OR2T35: variants seen among roughly 807,000 people sequenced by gnomAD.
OR2T35 encodes the protein olfactory receptor 2T35.
For synonymous variants in OR2T35, 18 were observed against 110.2 expected, an observed-to-expected ratio of 0.16 and a Z score of 5.24; for missense variants, 47 against 278.8, an observed-to-expected ratio of 0.17 and a Z score of 5.92.
At chr1:248,642,216 C>CAAAAAAAAAAAAAAAAAAA (rs61189391) in intron 1 of OR2T35, among the ~76,000 whole-genome samples, 3 of 53,658 alleles carry the variant, frequency 5.6e-5, no homozygotes, top group Admixed American at 2.2e-4. Flanking sequence ...CTAGTCTTTC[C>CAAAAAAAAAAAAAAAAAAA]AAAAAAAAAA....
rs1390248288 is a variant in OR2T35 at position 248,638,509 on chromosome 1, A to AAC, written c.748_749dup (p.Tyr252SerfsTer42). ...TGGTGTAGAAGGCTGCCCCGTAGAA[A>AAC]ACGCTCACCACCATAATGTGGGAGG... On this transcript the variant is annotated frameshift_variant, in exon 2 of 2. Transcript: ENST00000641268. LOFTEE classifies it low-confidence loss of function (END_TRUNC). 4 of 1,418,686 alleles carry AAC rather than the reference A, an allele frequency of 2.8e-6. No homozygotes were observed. The highest frequency in any genetic ancestry group is 3.9e-6 in the Non-Finnish European group (4 of 1,021,362). 87.9% of individuals were successfully genotyped at this position (1,418,686 alleles called of 1,614,324 possible).
At position 248,639,740 on chromosome 1, in the gene OR2T35, A is replaced by G. The variant is rs1387336575; in HGVS notation, c.-22-460T>C. ...GTACTAGAGTCATCCACAGACGTCT[A>G]TTTGTGACTTAAATTGATAGAAAAC... On this transcript the variant is annotated intron_variant, in intron 1 of 1. Coordinates refer to ENST00000641268, the MANE Select transcript of OR2T35 (RefSeq NM_001001827.2). 7.5e-5 allele frequency among the ~76,000 whole-genome samples: 3 copies of G among 40,142 alleles called. No homozygotes were observed. In the Admixed American group the frequency reaches 7.6e-4, roughly 10 times the overall value. 26.3% of individuals were successfully genotyped at this position (40,142 alleles called of 152,430 possible).
chr1:248,639,103 C>CA lies in OR2T35; in HGVS notation c.155dup (p.Met52IlefsTer70). ...ACATGGGTGTGTGGAGGCGGGAGTC[C>CA]ATGTGGATGAGCAGAATCATGACCA... is the stretch of plus-strand genomic sequence containing the variant. On this transcript the variant is annotated frameshift_variant, in exon 2 of 2. Transcript: ENST00000641268. LOFTEE classifies it low-confidence loss of function (END_TRUNC). 1 of 494,584 alleles carries CA rather than the reference C, an allele frequency of 2.0e-6. No homozygotes were observed. Among genetic ancestry groups the CA allele is most frequent in the Non-Finnish European group, 3.5e-6 (1 of 283,102 alleles). The allele number at this position is 494,584 out of a possible 1,614,324, so 30.6% of individuals were successfully genotyped here.
chr1:248,644,468 T>G (rs940850656), intron 1 of OR2T35, among the ~76,000 whole-genome samples: 5 of 124,116 alleles, frequency 4.0e-5, no homozygotes, highest in Non-Finnish European at 8.2e-5. Flanking sequence ...ACAATGTAAA[T>G]AATGTCAAAA....
chr1:248,642,246 AAG>A (rs1401094111), intron 1 of OR2T35, among the ~76,000 whole-genome samples: 30 of 106,910 alleles, frequency 2.8e-4, no homozygotes, highest in African/African-American at 7.6e-4. Flanking sequence ...GAAAAAGAAA[AAG>A]AAAAAGCTTT....
At chr1:248,642,193 T>TCC (rs569367170) in intron 1 of OR2T35, among the ~76,000 whole-genome samples, 9,726 of 67,854 alleles carry the variant, frequency 0.14, 382 homozygotes, top group Non-Finnish European at 0.17. Context: ...ACACTTAGGT[T>TCC]CCCCTTCATC....
At chr1:248,642,276 C>T (rs1274557978) in intron 1 of OR2T35, among the ~76,000 whole-genome samples, 39 of 138,352 alleles carry the variant, frequency 2.8e-4, no homozygotes, top group African/African-American at 8.6e-4. Context: ...GTGATCAAAG[C>T]TTCAGGCTCT....
intron 1 of OR2T35, among the ~76,000 whole-genome samples, chr1:248,642,832 ATCT>A (rs1660805269): frequency 3.0e-5 from 1 of 33,328 alleles, no homozygotes; most frequent in Non-Finnish European, 6.9e-5. Flanking sequence ...ACCAGAACTG[ATCT>A]TCTCCACTTG....
chr1:248,642,265 C>T (rs1279362404), intron 1 of OR2T35, among the ~76,000 whole-genome samples: 415 of 129,676 alleles, frequency 3.2e-3, no homozygotes, highest in Middle Eastern at 0.014. Flanking sequence ...CTTTTATTTG[C>T]GTGATCAAAG....
chr1:248,644,169 C>T (rs1660825311), intron 1 of OR2T35, among the ~76,000 whole-genome samples: 1 of 120,770 alleles, frequency 8.3e-6, no homozygotes, highest in South Asian at 2.8e-4. Context: ...TGGTAGATAG[C>T]AACCTGGCGG....
intron 1 of OR2T35, among the ~76,000 whole-genome samples, chr1:248,642,068 G>A (rs1411580397): frequency 1.2e-5 from 1 of 80,462 alleles, no homozygotes; most frequent in Non-Finnish European, 3.8e-5. Flanking sequence ...TAACATTAGA[G>A]TTGATGCTAT....
chr1:248,643,908 C>CT (rs201703083), intron 1 of OR2T35, among the ~76,000 whole-genome samples: 11,378 of 57,338 alleles, frequency 0.2, 1,259 homozygotes, highest in Non-Finnish European at 0.27. Flanking sequence ...ACCTTACAGC[C>CT]TCTCTTTGGC....
intron 1 of OR2T35, among the ~76,000 whole-genome samples, chr1:248,639,792 CTGT>C (rs1302871857): frequency 6.9e-5 from 1 of 14,488 alleles, no homozygotes; most frequent in African/African-American, 1.7e-4. Context: ...TTTTTGGCTG[CTGT>C]TGTTACTGAA....
chr1:248,642,216 C>CAAAAAAAAAAAA (rs61189391), intron 1 of OR2T35, among the ~76,000 whole-genome samples: 22 of 53,644 alleles, frequency 4.1e-4, no homozygotes, highest in Non-Finnish European at 5.3e-4. Flanking sequence ...CTAGTCTTTC[C>CAAAAAAAAAAAA]AAAAAAAAAA....
intron 1 of OR2T35, among the ~76,000 whole-genome samples, chr1:248,643,108 TAAAG>T (rs1308862222): frequency 8.1e-6 from 1 of 123,378 alleles, no homozygotes; most frequent in Non-Finnish European, 1.8e-5. Flanking sequence ...GGGGACTTTT[TAAAG>T]GTGTTTAGCC....
At position 248,638,692 on chromosome 1, in the gene OR2T35, G is replaced by C; in HGVS notation, c.567C>G (p.Cys189Trp). 1.4e-6 allele frequency: 2 copies of C among 1,383,064 alleles called. 1 individual carries two copies. The highest frequency in any genetic ancestry group is 3.7e-5 in the African/African-American group (2 of 53,350). The allele number at this position is 1,383,064 out of a possible 1,614,324, so 85.7% of individuals were successfully genotyped here. A position where few individuals can be genotyped will look rare whatever the true frequency, so the allele number is the denominator to read the frequency against. ...GGGTCTCATAGAGTGACGTGTCTGT[G>C]CAAGACAACTTCAGCACGGCTGGGA... is the stretch of plus-strand genomic sequence containing the variant. ...CEIPAVLKLS[C>W]TDTSLYETLM... Residue 189 changes from cysteine to tryptophan, a missense_variant, in exon 2 of 2, where the codon TGC becomes TGG. By Grantham distance (215) the Cys-to-Trp change is radical. Transcript: ENST00000641268.
At chr1:248,639,541 A>G (rs1409086515) in intron 1 of OR2T35, among the ~76,000 whole-genome samples, 11 of 146,168 alleles carry the variant, frequency 7.5e-5, no homozygotes, top group Non-Finnish European at 1.4e-4. Flanking sequence ...TAATTCATAC[A>G]GTACCTGGTT....
intron 1 of OR2T35, among the ~76,000 whole-genome samples, chr1:248,644,976 G>A (rs1296062863): frequency 9.7e-5 from 4 of 41,234 alleles, no homozygotes; most frequent in Admixed American, 3.4e-4. Context: ...TACTGCCTTA[G>A]TTACCACCCC....
intron 1 of OR2T35, among the ~76,000 whole-genome samples, chr1:248,644,973 T>A (rs1660839830): frequency 2.0e-5 from 1 of 48,814 alleles, no homozygotes; most frequent in African/African-American, 4.7e-5. Flanking sequence ...ACATACTGCC[T>A]TAGTTACCAC....
Sources: allele counts gnomAD v4.1 joint callset (sites outside exome capture counted in the v4.1 genomes callset), GRCh38; gene constraint gnomAD v4.1.1; transcripts MANE v1.5; gene names NCBI Gene and HGNC (gene_info 2026-07-23, HGNC 2026-07-21).